SNTB1: variants seen among roughly 807,000 people sequenced by gnomAD.
SNTB1 encodes the protein beta-1-syntrophin.
In SNTB1, 36 loss-of-function variants were observed where a neutral mutation model predicts 48.9. The observed-to-expected ratio is 0.74, with a 90% CI of 0.56 to 0.97. The LOEUF is 0.97. SNTB1 is among the 50% of genes least tolerant of loss of function. The probability of loss-of-function intolerance (pLI) is 0.00; values close to 1 mark genes in which losing one functional copy is unlikely to be tolerated. For missense variants in SNTB1, 786 were observed against 703.4 expected, an observed-to-expected ratio of 1.12 and a Z score of -1.33; for synonymous variants, 299 against 294.6, an observed-to-expected ratio of 1.01 and a Z score of -0.15.
At chr8:120,720,155 C>T (rs1176877525) in intron 1 of SNTB1, among the ~76,000 whole-genome samples, 1 of 152,206 alleles carries the variant, frequency 6.6e-6, no homozygotes, top group Non-Finnish European at 1.5e-5. Context: ...TGTCATAAGA[C>T]TGTGGAGAAA....
intron 1 of SNTB1, among the ~76,000 whole-genome samples, chr8:120,786,010 G>A (rs957024754): frequency 1.3e-5 from 2 of 152,164 alleles, no homozygotes; most frequent in African/African-American, 4.8e-5. Flanking sequence ...ACACACTAAG[G>A]CTATTTATAA....
At chr8:120,769,898 A>G (rs1039452836) in intron 1 of SNTB1, among the ~76,000 whole-genome samples, 63 of 152,342 alleles carry the variant, frequency 4.1e-4, no homozygotes, top group East Asian at 3.9e-4. Flanking sequence ...CTGTATGCCC[A>G]ATACATAATA....
At chr8:120,581,603 C>CA (rs1164497679) in intron 3 of SNTB1, among the ~76,000 whole-genome samples, 4 of 149,088 alleles carry the variant, frequency 2.7e-5, no homozygotes, top group African/African-American at 5.0e-5. Flanking sequence ...GACTCTGTCT[C>CA]AAAAAAAAGG....
At chr8:120,731,248 T>C (rs534908008) in intron 1 of SNTB1, among the ~76,000 whole-genome samples, 66 of 152,318 alleles carry the variant, frequency 4.3e-4, no homozygotes, top group African/African-American at 1.6e-3. Flanking sequence ...CCCTGCCCAT[T>C]TCAGCTTGCT....
At chr8:120,559,923 T>A (rs1398482811) in intron 4 of SNTB1, among the ~76,000 whole-genome samples, 4 of 129,490 alleles carry the variant, frequency 3.1e-5, no homozygotes, top group African/African-American at 1.1e-4. Context: ...GATGCCACAA[T>A]GCAAGCCACA....
At chr8:120,663,886 G>A (rs1817632442) in intron 2 of SNTB1, among the ~76,000 whole-genome samples, 1 of 152,192 alleles carries the variant, frequency 6.6e-6, no homozygotes, top group South Asian at 2.1e-4. Flanking sequence ...AGCAGAGAAG[G>A]AGGGCATTCT....
chr8:120,809,989 A>G (rs1284177906), intron 1 of SNTB1, among the ~76,000 whole-genome samples: 2 of 152,204 alleles, frequency 1.3e-5, no homozygotes, highest in Admixed American at 1.3e-4. Flanking sequence ...TTCACACACT[A>G]GTGCCACGAC....
chr8:120,732,437 G>A (rs1160319795), intron 1 of SNTB1, among the ~76,000 whole-genome samples: 1 of 152,206 alleles, frequency 6.6e-6, no homozygotes, highest in African/African-American at 2.4e-5. Context: ...CTGCCTTCTT[G>A]AGCATGAAAA....
chr8:120,776,130 C>T (rs1302995876), intron 1 of SNTB1, among the ~76,000 whole-genome samples: 1 of 152,196 alleles, frequency 6.6e-6, no homozygotes, highest in African/African-American at 2.4e-5. Flanking sequence ...TATAAAGACA[C>T]ATGCACATGT....
intron 1 of SNTB1, among the ~76,000 whole-genome samples, chr8:120,764,376 A>T (rs549194942): frequency 3.9e-5 from 6 of 152,346 alleles, no homozygotes; most frequent in Middle Eastern, 3.4e-3. Context: ...GCTTAAAAAA[A>T]TAAACTAGAT....
intron 3 of SNTB1, among the ~76,000 whole-genome samples, chr8:120,606,396 C>T (rs1181403209): frequency 3.5e-5 from 4 of 115,132 alleles, no homozygotes; most frequent in South Asian, 5.9e-4. Context: ...TATGTCAGTG[C>T]GTGTGTGTAT....
At chr8:120,628,941 T>C (rs1458470644) in intron 3 of SNTB1, among the ~76,000 whole-genome samples, 1 of 152,128 alleles carries the variant, frequency 6.6e-6, no homozygotes, top group Non-Finnish European at 1.5e-5. Context: ...GGAGGATTGC[T>C]TGAGTCCAGG....
chr8:120,794,182 G>A (rs1820083755), intron 1 of SNTB1, among the ~76,000 whole-genome samples: 1 of 151,940 alleles, frequency 6.6e-6, no homozygotes, highest in African/African-American at 2.4e-5. Context: ...GAGAGACTTC[G>A]AGAAGTCCTT....
intron 1 of SNTB1, among the ~76,000 whole-genome samples, chr8:120,704,945 A>G (rs923059766): frequency 6.6e-6 from 1 of 152,220 alleles, no homozygotes; most frequent in African/African-American, 2.4e-5. Context: ...TTTCATGGCT[A>G]TGATTCCCAT....
At chr8:120,646,234 T>C (rs1817295370) in intron 2 of SNTB1, among the ~76,000 whole-genome samples, 1 of 130,282 alleles carries the variant, frequency 7.7e-6, no homozygotes. Flanking sequence ...GGCATCCCTG[T>C]CTTGTGCCAG....
chr8:120,669,875 G>A (rs933551466), intron 2 of SNTB1, among the ~76,000 whole-genome samples: 6 of 152,160 alleles, frequency 3.9e-5, no homozygotes, highest in African/African-American at 1.4e-4. Flanking sequence ...TGATGCTGCT[G>A]GTGTCCCTGT....
At chr8:120,635,565 C>G (rs901881689) in intron 2 of SNTB1, 1 of 161,514 alleles carries the variant, frequency 6.2e-6, no homozygotes, top group Non-Finnish European at 1.5e-5. Context: ...TTCCTAACTT[C>G]TATATTCATT....
chr8:120,652,358 C>A (rs529810476), intron 2 of SNTB1, among the ~76,000 whole-genome samples: 61 of 152,258 alleles, frequency 4.0e-4, no homozygotes, highest in Admixed American at 7.2e-4. Context: ...CAGTGTAATG[C>A]ACATTCCAGA....
At chr8:120,795,222 G>A (rs1339529934) in intron 1 of SNTB1, among the ~76,000 whole-genome samples, 3 of 151,120 alleles carry the variant, frequency 2.0e-5, no homozygotes, top group Non-Finnish European at 2.9e-5. Context: ...ATCAGATTTT[G>A]ACTCTTTTAG....
Sources: gnomAD v4.1 joint callset for allele counts (sites outside exome capture counted in the v4.1 genomes callset) on GRCh38, gnomAD v4.1.1 for gene constraint, MANE v1.5 for transcripts, NCBI Gene and HGNC (gene_info 2026-07-23, HGNC 2026-07-21) for gene names.